The following DISC1 variants were observed in gnomAD, a reference collection of about 807,000 sequenced individuals.
DISC1 encodes disrupted in schizophrenia 1 protein.
In DISC1, 57 loss-of-function variants were observed where a neutral mutation model predicts 84.5. The ratio of observed to expected loss-of-function variants is 0.67; its 90% CI spans 0.55 to 0.84. The LOEUF is 0.84. DISC1 is among the 40% of genes least tolerant of loss of function. The pLI is 0.00. For missense variants in DISC1, 1,000 were observed against 1,057.8 expected, an observed-to-expected ratio of 0.95 and a Z score of 0.76; for synonymous variants, 411 against 415.2, an observed-to-expected ratio of 0.99 and a Z score of 0.12.
intron 8 of DISC1, among the ~76,000 whole-genome samples, chr1:231,809,524 G>GAAAAAA (rs10692560): frequency 8.1e-6 from 1 of 123,792 alleles, no homozygotes; most frequent in Admixed American, 8.4e-5. Context: ...TTTTTTTTTT[G>GAAAAAA]AAAAAAAAAA....
chr1:231,664,214 G>A (rs1269060609), intron 1 of DISC1, among the ~76,000 whole-genome samples: 1 of 152,092 alleles, frequency 6.6e-6, no homozygotes, highest in Non-Finnish European at 1.5e-5. Context: ...ACATGAAAGA[G>A]TCAAGGTTTG....
rs1236505330 is a variant in DISC1, at chr1:231,952,110, A to G, written c.1982-6718A>G. Among the ~76,000 whole-genome samples, 48 of 149,772 alleles carry G rather than the reference A, an allele frequency of 3.2e-4. 1 individual carries two copies. The South Asian group carries it at 5.3e-3, about 16-fold the overall frequency. On this transcript the variant is annotated intron_variant, in intron 9 of 12. Transcript: ENST00000439617. ...TGTCTCAAAAAAAAAAAAAAAAAAA[A>G]AAAGAAAAGAAAAGAAAGAAAAAGA...
rs575454881 is a variant in DISC1 at position 231,626,987 on chromosome 1, A to G, written c.67+53A>G. ...ACGTCCTGGGGGGGTCCTGGCAAGG[A>G]GGGCGCGCTCTGGCCCCCAGGAAGT... On this transcript the variant is annotated intron_variant, in intron 1 of 12. Coordinates refer to ENST00000439617, the MANE Select transcript of DISC1 (RefSeq NM_018662.3). 2.6e-4 allele frequency: 347 copies of G among 1,311,676 alleles called. No individual in the cohort carries two copies. The African/African-American group carries it at 4.5e-3, about 17-fold the overall frequency. The allele number at this position is 1,311,676 out of a possible 1,614,324, so 81.3% of individuals were successfully genotyped here. A position where few individuals can be genotyped will look rare whatever the true frequency, so the allele number is the denominator to read the frequency against.
intron 9 of DISC1, among the ~76,000 whole-genome samples, chr1:231,917,091 A>G (rs927317208): frequency 1.3e-5 from 2 of 152,226 alleles, no homozygotes; most frequent in Non-Finnish European, 2.9e-5. Context: ...GAATTATCAT[A>G]ATGTTAAAAT....
Position 231,826,299 on chromosome 1 carries a change from C to T in DISC1, c.1981+7782C>T, listed in dbSNP as rs796353050. ...CTTTATGTTCTTTATGAATTTGATT[C>T]CTAACGTCAGTCTCTCTATCCATCC... On this transcript the variant is annotated intron_variant, in intron 9 of 12. Coordinates refer to ENST00000439617, the MANE Select transcript of DISC1 (RefSeq NM_018662.3). The surrounding 1 kb of genome is among the most constrained non-coding windows in gnomAD (Gnocchi z 4.2). Among the ~76,000 whole-genome samples, 19 of 152,320 alleles carry T rather than the reference C, an allele frequency of 1.2e-4. No individual in the cohort carries two copies. Among genetic ancestry groups the T allele is most frequent in the African/African-American group, 4.3e-4 (18 of 41,566 alleles).
intron 1 of DISC1, among the ~76,000 whole-genome samples, chr1:231,681,264 C>T (rs1262990844): frequency 6.6e-6 from 1 of 152,210 alleles, no homozygotes; most frequent in Non-Finnish European, 1.5e-5. Flanking sequence ...AATTCCTCAG[C>T]CACCTGCTTC....
At chr1:231,960,242 C>T (rs1448346965) in intron 10 of DISC1, among the ~76,000 whole-genome samples, 4 of 151,946 alleles carry the variant, frequency 2.6e-5, no homozygotes, top group East Asian at 1.9e-4. Context: ...CCTTTACCTT[C>T]TTCTTATTTA....
chr1:231,878,392 G>C (rs1198151547), intron 9 of DISC1, among the ~76,000 whole-genome samples: 1 of 152,152 alleles, frequency 6.6e-6, no homozygotes, highest in Non-Finnish European at 1.5e-5. Flanking sequence ...GGGGAGAAAA[G>C]AGCACCAGAC....
intron 9 of DISC1, among the ~76,000 whole-genome samples, chr1:231,893,680 T>C (rs1181090368): frequency 6.6e-6 from 1 of 152,020 alleles, no homozygotes; most frequent in Non-Finnish European, 1.5e-5. Flanking sequence ...GGAAGATAGA[T>C]AGGAAGACAA....
intron 9 of DISC1, among the ~76,000 whole-genome samples, chr1:231,882,146 T>C (rs747781064): frequency 6.6e-6 from 1 of 152,208 alleles, no homozygotes; most frequent in Non-Finnish European, 1.5e-5. Context: ...GCATAGCGAT[T>C]GTTAACGGCT....
chr1:231,884,682 T>C (rs1020323994), intron 9 of DISC1, among the ~76,000 whole-genome samples: 9 of 151,958 alleles, frequency 5.9e-5, no homozygotes, highest in Admixed American at 2.0e-4. Flanking sequence ...AAACCACCCA[T>C]TGGGCACTAT....
intron 9 of DISC1, among the ~76,000 whole-genome samples, chr1:231,853,793 G>T (rs1215098276): frequency 6.6e-6 from 1 of 152,202 alleles, no homozygotes; most frequent in Non-Finnish European, 1.5e-5. Context: ...CCAGGGCCAA[G>T]ATACAGCAGC....
chr1:231,986,182 C>T (rs1293638707), intron 10 of DISC1, among the ~76,000 whole-genome samples: 1 of 152,196 alleles, frequency 6.6e-6, no homozygotes, highest in Non-Finnish European at 1.5e-5. Flanking sequence ...ACATCGGTCC[C>T]CTCATCCAGC....
chr1:231,867,695 T>C (rs2085159450), intron 9 of DISC1, among the ~76,000 whole-genome samples: 1 of 152,232 alleles, frequency 6.6e-6, no homozygotes, highest in South Asian at 2.1e-4. Context: ...AGTTTTCCTC[T>C]CCTGTTGTTG....
At chr1:231,959,313 A>G in intron 10 of DISC1, 1 of 985,950 alleles carries the variant, frequency 1.0e-6, no homozygotes, top group Non-Finnish European at 1.2e-6. Context: ...ATCCTGAATC[A>G]AAACCAGCAT....
chr1:231,675,129 G>C lies in DISC1; in HGVS notation c.68-18697G>C, dbSNP rs2063010151. ...TAAAAGATGTTATTGATAATGAAAA[G>C]CTGAGACCCTTGATACTCTGCACAC... On this transcript the variant is annotated intron_variant, in intron 1 of 12. Transcript: ENST00000439617. The surrounding 1 kb of genome is among the most constrained non-coding windows in gnomAD (Gnocchi z 4.1). 6.6e-6 allele frequency among the ~76,000 whole-genome samples: 1 copy of C among 152,136 alleles called. No individual in the cohort carries two copies. Among genetic ancestry groups the C allele is most frequent in the African/African-American group, 2.4e-5 (1 of 41,408 alleles).
At chr1:231,792,931 T>C (rs1653259336) in intron 6 of DISC1, among the ~76,000 whole-genome samples, 1 of 152,234 alleles carries the variant, frequency 6.6e-6, no homozygotes, top group African/African-American at 2.4e-5. Flanking sequence ...TGGTGTCACA[T>C]GCCCCACCTC....
At chr1:231,905,123 G>T (rs566876838) in intron 9 of DISC1, among the ~76,000 whole-genome samples, 2 of 152,134 alleles carry the variant, frequency 1.3e-5, no homozygotes, top group African/African-American at 4.8e-5. Flanking sequence ...AATTATCAAC[G>T]TTATCATCAG....
At chr1:231,867,975 A>G (rs887487622) in intron 9 of DISC1, among the ~76,000 whole-genome samples, 4 of 152,204 alleles carry the variant, frequency 2.6e-5, no homozygotes, top group African/African-American at 9.6e-5. Context: ...TTCCTCTGCT[A>G]ATCTTCCATT....
Sources: allele counts gnomAD v4.1 joint callset (sites outside exome capture counted in the v4.1 genomes callset), GRCh38; gene constraint gnomAD v4.1.1; non-coding constraint Gnocchi (gnomAD v3.1); transcripts MANE v1.5; gene names NCBI Gene and HGNC (gene_info 2026-07-23, HGNC 2026-07-21).